Variants in RARB observed in about 807,000 individuals in gnomAD.
RARB encodes retinoic acid receptor beta.
In RARB, 17 loss-of-function variants were observed where a neutral mutation model predicts 51.9. The ratio of observed to expected loss-of-function variants is 0.33; its 90% confidence interval spans 0.22 to 0.49. RARB has a LOEUF of 0.49. RARB is among the 20% of genes least tolerant of loss of function. The probability of loss-of-function intolerance (pLI) is 0.99; values close to 1 mark genes in which losing one functional copy is unlikely to be tolerated. For synonymous variants in RARB, 215 were observed against 195.4 expected (o/e 1.10, Z -0.84); for missense variants, 369 against 550.8 (o/e 0.67, Z 3.30).
Position 25,309,380 on chromosome 3 carries a change from C to G in RARB, c.178+134805C>G, listed in dbSNP as rs9862961. On this transcript the variant is annotated intron_variant, in intron 5 of 11. Transcript: ENST00000383772. The stretch of plus-strand genomic sequence containing the variant: ...GGTCTCGATCTCCTGACCTCGTGAT[C>G]CACCTGCCTTGGCTTCCCAAAGTGC... Among the ~76,000 whole-genome samples the G allele has an allele frequency of 3.2e-3, 480 of 151,120 alleles. 3 individuals carry two copies. The highest frequency in any genetic ancestry group is 0.011 in the African/African-American group (454 of 41,224).
intron 2 of RARB, among the ~76,000 whole-genome samples, chr3:25,007,605 C>CAAAAAAAAAAAAAAAAAA (rs1279154112): frequency 3.3e-5 from 2 of 60,640 alleles, no homozygotes; most frequent in South Asian, 8.4e-4. Flanking sequence ...AAAAAAAAAA[C>CAAAAAAAAAAAAAAAAAA]AAAAAAACCT....
At chr3:24,995,371 TAG>T (rs138757730) in intron 2 of RARB, among the ~76,000 whole-genome samples, 4,751 of 152,088 alleles carry the variant, frequency 0.031, 106 homozygotes, top group South Asian at 0.062. Context: ...GAGTTTTTGG[TAG>T]AGTCTTTAGG....
At chr3:25,362,722 G>A (rs1208016976) in intron 5 of RARB, among the ~76,000 whole-genome samples, 1 of 152,160 alleles carries the variant, frequency 6.6e-6, no homozygotes, top group South Asian at 2.1e-4. Flanking sequence ...TTGGTTAGGG[G>A]AGGGAGTTCC....
At chr3:25,283,856 C>A (rs372219622) in intron 5 of RARB, among the ~76,000 whole-genome samples, 2 of 152,272 alleles carry the variant, frequency 1.3e-5, no homozygotes, top group East Asian at 3.9e-4. Context: ...GGGCAGGCAG[C>A]CTTCTCTAGT....
At chr3:25,387,299 AT>A (rs1410268305) in intron 5 of RARB, among the ~76,000 whole-genome samples, 1 of 152,134 alleles carries the variant, frequency 6.6e-6, no homozygotes, top group Non-Finnish European at 1.5e-5. Flanking sequence ...CCGGGTCTTT[AT>A]TGAAGAAAAT....
At chr3:25,268,137 A>G (rs570174596) in intron 5 of RARB, among the ~76,000 whole-genome samples, 1 of 152,276 alleles carries the variant, frequency 6.6e-6, no homozygotes, top group African/African-American at 2.4e-5. Flanking sequence ...AACGACATCA[A>G]CCTTCCTCTT....
rs186741122 is a variant in RARB, at chr3:25,304,069, C to G, written c.178+129494C>G. 2.0e-5 allele frequency among the ~76,000 whole-genome samples: 3 copies of G among 152,264 alleles called. No homozygotes were observed. The South Asian group carries it at 6.2e-4, about 32-fold the overall frequency. ...CTTCAGTAGTATGAGTACATGTACACCTTTTCTTTGCTAACCTTAAAAATA... is the reference window on the plus strand; with the variant it reads ...CTTCAGTAGTATGAGTACATGTACAGCTTTTCTTTGCTAACCTTAAAAATA... On this transcript the variant is annotated intron_variant, in intron 5 of 11. Coordinates refer to the RARB transcript ENST00000383772.
intron 1 of RARB, among the ~76,000 whole-genome samples, chr3:24,851,956 A>G (rs908823539): frequency 6.6e-6 from 1 of 152,248 alleles, no homozygotes; most frequent in Non-Finnish European, 1.5e-5. Flanking sequence ...CATGAGTAGT[A>G]AGCGGAAGCC....
chr3:24,921,238 T>C (rs904932200), intron 2 of RARB, among the ~76,000 whole-genome samples: 14 of 152,252 alleles, frequency 9.2e-5, no homozygotes, highest in Non-Finnish European at 1.8e-4. Flanking sequence ...GATGTACACA[T>C]TGAGATCCTA....
intron 2 of RARB, among the ~76,000 whole-genome samples, chr3:24,933,942 CTGTATACATTCTAA>C (rs1309983287): frequency 1.3e-5 from 2 of 152,118 alleles, no homozygotes; most frequent in Non-Finnish European, 2.9e-5. Flanking sequence ...AGGTAATCAA[CTGTATACATTCTAA>C]TAAGAGAATA....
At chr3:24,934,116 AG>A (rs751629111) in intron 2 of RARB, among the ~76,000 whole-genome samples, 1 of 152,018 alleles carries the variant, frequency 6.6e-6, no homozygotes, top group Non-Finnish European at 1.5e-5. Flanking sequence ...TTTTGCCAAG[AG>A]GTATTGCTGA....
intron 3 of RARB, among the ~76,000 whole-genome samples, chr3:25,122,373 T>C (rs1427742350): frequency 6.6e-6 from 1 of 152,048 alleles, no homozygotes; most frequent in Admixed American, 6.6e-5. Context: ...TACTAAGTTT[T>C]TTTGAAACTA....
intron 3 of RARB, among the ~76,000 whole-genome samples, chr3:25,088,832 T>G (rs1235564014): frequency 6.6e-6 from 1 of 152,114 alleles, no homozygotes; most frequent in South Asian, 2.1e-4. Flanking sequence ...AGTTGCTGAC[T>G]GGGGAGCAGA....
intron 3 of RARB, among the ~76,000 whole-genome samples, chr3:25,508,153 G>A (rs1245628119): frequency 6.6e-6 from 1 of 152,140 alleles, no homozygotes; most frequent in African/African-American, 2.4e-5. Context: ...TGTATTTGTA[G>A]AATAGAGCAA....
intron 2 of RARB, among the ~76,000 whole-genome samples, chr3:24,903,724 C>CATCATATCTGATAAATAT: frequency 6.6e-6 from 1 of 152,088 alleles, no homozygotes; most frequent in African/African-American, 2.4e-5. Flanking sequence ...CTGATAAATA[C>CATCATATCTGATAAATAT]TGACATCAGG....
chr3:25,471,556 G>T (rs1695694568), intron 2 of RARB, among the ~76,000 whole-genome samples: 1 of 150,022 alleles, frequency 6.7e-6, no homozygotes, highest in Admixed American at 6.6e-5. Context: ...AGGAAGTTGG[G>T]GGCGGGGGGA....
At chr3:24,957,636 A>T (rs553605384) in intron 2 of RARB, among the ~76,000 whole-genome samples, 2 of 152,234 alleles carry the variant, frequency 1.3e-5, no homozygotes, top group Non-Finnish European at 2.9e-5. Context: ...CTATTAGTCT[A>T]TCATTTTGAA....
At chr3:25,199,306 C>T (rs756335178) in intron 5 of RARB, among the ~76,000 whole-genome samples, 7 of 150,776 alleles carry the variant, frequency 4.6e-5, no homozygotes, top group East Asian at 1.9e-4. Context: ...TGGGAAAGGT[C>T]GTTGAAGGTT....
intron 2 of RARB, among the ~76,000 whole-genome samples, chr3:24,913,083 C>A (rs1386780321): frequency 6.8e-6 from 1 of 146,584 alleles, no homozygotes; most frequent in Non-Finnish European, 1.5e-5. Flanking sequence ...CAGGTTCATG[C>A]CATTCTCCTG....
Sources: allele counts gnomAD v4.1 joint callset (sites outside exome capture counted in the v4.1 genomes callset), GRCh38; gene constraint gnomAD v4.1.1; transcripts MANE v1.5; gene names NCBI Gene and HGNC (gene_info 2026-07-23, HGNC 2026-07-21).